ACSF3: variants seen among roughly 807,000 people sequenced by gnomAD.
ACSF3 encodes malonate--CoA ligase ACSF3, mitochondrial.
In ACSF3, 78 loss-of-function variants were observed where a neutral mutation model predicts 53.2. The ratio of observed to expected loss-of-function variants is 1.47; its 90% CI spans 1.22 to 1.77. ACSF3 has a LOEUF of 1.77. ACSF3 is among the 40% of genes most tolerant of loss of function. ACSF3 has a pLI of 0.00. For missense variants in ACSF3, 937 were observed against 771.1 expected, an observed-to-expected ratio of 1.22 and a Z score of -2.55; for synonymous variants, 414 against 333.1, an observed-to-expected ratio of 1.24 and a Z score of -2.65.
chr16:89,094,499 T>C (rs1974380419), intron 1 of ACSF3, among the ~76,000 whole-genome samples: 1 of 152,140 alleles, frequency 6.6e-6, no homozygotes, highest in African/African-American at 2.4e-5. Flanking sequence ...GTGAAGTATT[T>C]GGAAGGTACT....
chr16:89,144,814 G>C (rs968027228), intron 8 of ACSF3, among the ~76,000 whole-genome samples: 1 of 152,212 alleles, frequency 6.6e-6, no homozygotes, highest in Non-Finnish European at 1.5e-5. Context: ...TTGTTGCTCA[G>C]AAAAGGCCAC....
chr16:89,145,447 T>A (rs1247826166), intron 9 of ACSF3, 46 bp downstream of exon 9: 1 of 1,609,156 alleles, frequency 6.2e-7, no homozygotes, highest in Non-Finnish European at 8.5e-7. Context: ...AGACGGGTGC[T>A]GCCTTCCATG....
At position 89,145,430 on chromosome 16, in the gene ACSF3, C is replaced by T. The variant is rs752748076; in HGVS notation, c.1501+29C>T. 8 of 1,612,984 alleles carry T rather than the reference C, an allele frequency of 5.0e-6. No homozygotes were observed. The Admixed American group carries it at 5.0e-5, about 10-fold the overall frequency. On this transcript the variant is annotated intron_variant, in intron 9 of 10. Transcript: ENST00000614302. ...CGTGGCCGGACTTGGGCCAGGGAGG[C>T]CAGGCTAGACGGGTGCTGCCTTCCA...
At chr16:89,135,259 C>T (rs1266552390) in intron 8 of ACSF3, among the ~76,000 whole-genome samples, 1 of 152,248 alleles carries the variant, frequency 6.6e-6, no homozygotes, top group East Asian at 1.9e-4. Context: ...CTGCAGCGTG[C>T]AGGCGGGATG....
At position 89,136,164 on chromosome 16, in the gene ACSF3, G is replaced by A. The variant is rs143266989; in HGVS notation, c.1366+2902G>A. On this transcript the variant is annotated intron_variant, in intron 8 of 10. Coordinates refer to ENST00000614302, the MANE Select transcript of ACSF3 (RefSeq NM_001243279.3). ...CACAGCCCTGTGGATTTTGCGAGTC[G>A]CGGGGCTCCCGGAGCCGCTGGGAGG... 3.0e-3 allele frequency among the ~76,000 whole-genome samples: 456 copies of A among 152,360 alleles called. 4 individuals carry two copies. Among genetic ancestry groups the A allele is most frequent in the Admixed American group, 9.1e-3 (139 of 15,308 alleles).
At chr16:89,109,717 G>T (rs376833113) in intron 4 of ACSF3, among the ~76,000 whole-genome samples, 2 of 152,016 alleles carry the variant, frequency 1.3e-5, no homozygotes, top group African/African-American at 2.4e-5. Context: ...CCGGCCAGAT[G>T]TTGAGCATTT....
At chr16:89,144,725 C>A (rs369276970) in intron 8 of ACSF3, among the ~76,000 whole-genome samples, 5 of 152,220 alleles carry the variant, frequency 3.3e-5, no homozygotes, top group Non-Finnish European at 7.4e-5. Flanking sequence ...GGGGCCCTTG[C>A]AGCAGTAGCA....
chr16:89,133,544 G>A (rs1426493747), intron 8 of ACSF3, among the ~76,000 whole-genome samples: 4 of 152,154 alleles, frequency 2.6e-5, no homozygotes, highest in African/African-American at 7.2e-5. Flanking sequence ...CGCGACAGCC[G>A]CTCCGGCACG....
At chr16:89,114,773 G>T in intron 6 of ACSF3, 1 of 491,414 alleles carries the variant, frequency 2.0e-6, no homozygotes, top group Non-Finnish European at 3.8e-6. Context: ...TGCCTGGAAT[G>T]CAGGCGTCAG....
chr16:89,094,444 G>A (rs1225747894), intron 1 of ACSF3, among the ~76,000 whole-genome samples: 2 of 152,240 alleles, frequency 1.3e-5, no homozygotes, highest in East Asian at 1.9e-4. Flanking sequence ...TAGCCCCTGA[G>A]GGCATGTAGA....
At chr16:89,153,315 C>G (rs1202151386) in intron 10 of ACSF3, 6 of 153,048 alleles carry the variant, frequency 3.9e-5, no homozygotes, top group African/African-American at 9.6e-5. Context: ...TTTCTTTCCT[C>G]CCTTCTTTAA....
chr16:89,140,677 G>A (rs79260508), intron 8 of ACSF3, among the ~76,000 whole-genome samples: 3,386 of 152,160 alleles, frequency 0.022, 98 homozygotes, highest in East Asian at 0.12. Flanking sequence ...CTTATCTTGC[G>A]TGCGGGTCAG....
chr16:89,110,721 T>C (rs568124149), intron 4 of ACSF3, among the ~76,000 whole-genome samples: 19 of 152,342 alleles, frequency 1.2e-4, no homozygotes, highest in African/African-American at 4.3e-4. Context: ...GGAAGATTGC[T>C]TTGAAGCTGG....
intron 8 of ACSF3, among the ~76,000 whole-genome samples, chr16:89,135,931 C>T (rs1354652323): frequency 6.6e-6 from 1 of 152,244 alleles, no homozygotes; most frequent in African/African-American, 2.4e-5. Context: ...CCCGCCACCA[C>T]GCCCGGCTAA....
Position 89,145,965 on chromosome 16 carries a change from T to G in ACSF3, c.1529T>G (p.Met510Arg), listed in dbSNP as rs771878457. 1 of 1,612,786 alleles carries G rather than the reference T, an allele frequency of 6.2e-7. No individual in the cohort carries two copies. The highest frequency in any genetic ancestry group is 8.5e-7 in the Non-Finnish European group (1 of 1,179,460). Residue 510 changes from methionine (M) to arginine (R), a missense_variant, in exon 10 of 11, where the codon ATG becomes AGG. By Grantham distance (91) the Met-to-Arg change is moderately conservative (BLOSUM62 -1). Coordinates refer to ENST00000614302, the MANE Select transcript of ACSF3 (RefSeq NM_001243279.3). ...TDVAVIGVPD[M>R]TWGQRVTAVV... ...GTGGCTGTGATTGGAGTTCCGGATA[T>G]GACATGGGGCCAGCGGGTCACTGCT...
chr16:89,145,874 A>C lies in ACSF3; in HGVS notation c.1502-64A>C, dbSNP rs60881405. On this transcript the variant is annotated intron_variant, in intron 9 of 10. Coordinates refer to ENST00000614302, the MANE Select transcript of ACSF3 (RefSeq NM_001243279.3). ...CTGCGCTCTTCCTGTGTGTCCAGGC[A>C]CTCTTCGGCCTGTAAGGGTCACTGA... is the stretch of plus-strand genomic sequence containing the variant. 21 of 1,390,094 alleles carry C rather than the reference A, an allele frequency of 1.5e-5. No individual in the cohort carries two copies. The South Asian group carries it at 2.0e-4, about 13-fold the overall frequency. 86.1% of individuals were successfully genotyped at this position (1,390,094 alleles called of 1,614,324 possible). A position where few individuals can be genotyped will look rare whatever the true frequency, so the allele number is the denominator to read the frequency against.
chr16:89,096,390 C>A (rs1026696608), intron 1 of ACSF3, among the ~76,000 whole-genome samples: 1 of 152,086 alleles, frequency 6.6e-6, no homozygotes, highest in Non-Finnish European at 1.5e-5. Context: ...GCCTCTGGAC[C>A]GGGAGGTGTG....
chr16:89,135,814 G>A lies in ACSF3; in HGVS notation c.1366+2552G>A, dbSNP rs149167879. On this transcript the variant is annotated intron_variant, in intron 8 of 10. Coordinates refer to ENST00000614302, the MANE Select transcript of ACSF3 (RefSeq NM_001243279.3). Reference sequence around the variant, plus strand: ...TTTTGAGACGGAGTCTCGCTCTGTCGCCCAGTCTGCAGTGCAGTGGCACGA... The same window carrying A: ...TTTTGAGACGGAGTCTCGCTCTGTCACCCAGTCTGCAGTGCAGTGGCACGA... Among the ~76,000 whole-genome samples, 2,764 of 152,316 alleles carry A rather than the reference G, an allele frequency of 0.018. 164 individuals are homozygous for A. In the East Asian group the frequency reaches 0.22, roughly 12 times the overall value.
chr16:89,095,144 C>G (rs548290412), intron 1 of ACSF3: 4 of 152,298 alleles, frequency 2.6e-5, no homozygotes, highest in African/African-American at 4.8e-5. Flanking sequence ...CCTGGGGACC[C>G]TGCGAGCTTT....
Sources: allele counts gnomAD v4.1 joint callset (sites outside exome capture counted in the v4.1 genomes callset), GRCh38; gene constraint gnomAD v4.1.1; transcripts MANE v1.5; gene names NCBI Gene and HGNC (gene_info 2026-07-23, HGNC 2026-07-21).